Variants in ENTPD3 observed in about 807,000 individuals in gnomAD.
ENTPD3 encodes CD39 antigen-like 3.
Under a neutral mutation model 51.2 loss-of-function variants are expected in ENTPD3, and 60 were observed. The ratio of observed to expected loss-of-function variants is 1.17; its 90% confidence interval spans 0.95 to 1.45. The LOEUF is 1.45. ENTPD3 is among the 40% of genes most tolerant of loss of function. The pLI, the probability that ENTPD3 is intolerant of heterozygous loss-of-function variation, is 0.00. For missense variants in ENTPD3, 593 were observed against 641.1 expected (o/e 0.93, Z 0.81); for synonymous variants, 221 against 238.4 (o/e 0.93, Z 0.67).
chr3:40,388,739 T>C (rs970261879), intron 2 of ENTPD3, among the ~76,000 whole-genome samples: 4 of 152,188 alleles, frequency 2.6e-5, no homozygotes, highest in African/African-American at 9.7e-5. Flanking sequence ...ACCATGTTTG[T>C]CCAGCCCTAA....
At chr3:40,426,563 A>C (rs1244358297) in intron 10 of ENTPD3, among the ~76,000 whole-genome samples, 1 of 152,202 alleles carries the variant, frequency 6.6e-6, no homozygotes, top group Non-Finnish European at 1.5e-5. Flanking sequence ...GAGAGATGTC[A>C]AATTGAATTT....
intron 2 of ENTPD3, 26 bp from the exon 3 acceptor site, chr3:40,391,997 G>A (rs1178935880): frequency 3.1e-6 from 5 of 1,613,486 alleles, no homozygotes; most frequent in Non-Finnish European, 2.5e-6. Context: ...TCCCCCTCAA[G>A]TGTCTTCTGG....
chr3:40,401,841 G>A (rs934474951), intron 4 of ENTPD3, among the ~76,000 whole-genome samples: 1 of 152,182 alleles, frequency 6.6e-6, no homozygotes. Flanking sequence ...CCCTGAAATG[G>A]AGTATTATCA....
Position 40,422,855 on chromosome 3 carries a change from T to C in ENTPD3, c.837T>C (p.Ser279=). The C allele has an allele frequency of 6.2e-7, 1 of 1,611,004 alleles. No individual in the cohort carries two copies. The highest frequency in any genetic ancestry group is 8.5e-7 in the Non-Finnish European group (1 of 1,179,552). The change falls in exon 8 of 11, where the codon TCT becomes TCC. Residue 279 remains serine (S), a synonymous_variant. Transcript: ENST00000301825. ...CCTTACTCTTATACCTACAGAATTC[T>C]CCTACCAAAAACCATCTCACCAATC... The part of the protein sequence containing the change: ...KKFLAMLLQN[S]PTKNHLTNPC...
chr3:40,421,771 G>A (rs1040035104), intron 7 of ENTPD3, among the ~76,000 whole-genome samples: 17 of 152,098 alleles, frequency 1.1e-4, no homozygotes, highest in African/African-American at 3.6e-4. Context: ...GTAGAATGGG[G>A]TATATAAAGT....
intron 7 of ENTPD3, among the ~76,000 whole-genome samples, chr3:40,421,162 T>C (rs1479290064): frequency 6.6e-6 from 1 of 151,980 alleles, no homozygotes; most frequent in African/African-American, 2.4e-5. Flanking sequence ...TAGCTGGGAC[T>C]ACAGGTGCGT....
chr3:40,414,815 A>G lies in ENTPD3; in HGVS notation c.572A>G (p.Asn191Ser). The change falls in exon 6 of 11, where the codon AAC (asparagine) becomes AGC (serine). Residue 191 changes from asparagine to serine, a missense_variant. By Grantham distance (46) the Asn-to-Ser change is conservative (BLOSUM62 1). Coordinates refer to ENST00000301825, the MANE Select transcript of ENTPD3 (RefSeq NM_001248.4). ...EEGVYGWITA[N>S]YLMGNFLEKN... ...GGGGTATATGGATGGATTACAGCCA[A>G]CTATTTAATGGGAAATTTCCTGGAG... The G allele has an allele frequency of 3.1e-6, 5 of 1,614,030 alleles. No homozygotes were observed. The highest frequency in any genetic ancestry group is 1.1e-5 in the South Asian group (1 of 91,060).
intron 3 of ENTPD3, among the ~76,000 whole-genome samples, chr3:40,399,836 GC>G (rs756010045): frequency 6.3e-4 from 96 of 152,158 alleles, no homozygotes; most frequent in Non-Finnish European, 1.1e-3. Context: ...CCCCAGCACT[GC>G]CCAGCAACAC....
intron 1 of ENTPD3, chr3:40,387,506 C>T (rs1954967048): frequency 1.3e-5 from 2 of 152,572 alleles, no homozygotes; most frequent in Admixed American, 6.5e-5. Context: ...GCTTAGATGC[C>T]TGCGGCTATG....
rs547792474 is a variant in ENTPD3 at position 40,410,524 on chromosome 3, A to G, written c.287-1288A>G. Reference sequence around the variant, plus strand: ...TGGAGCTAAACCATTATCATTGATGATAACAGCACAAAAAGAGAAACAACC... The same window carrying G: ...TGGAGCTAAACCATTATCATTGATGGTAACAGCACAAAAAGAGAAACAACC... On this transcript the variant is annotated intron_variant, in intron 4 of 10. Coordinates refer to ENST00000301825, the MANE Select transcript of ENTPD3 (RefSeq NM_001248.4). 7.2e-5 allele frequency among the ~76,000 whole-genome samples: 11 copies of G among 152,198 alleles called. 1 individual carries two copies. In the East Asian group the frequency reaches 2.1e-3, roughly 29 times the overall value.
chr3:40,423,593 G>A (rs1955924849), intron 9 of ENTPD3, among the ~76,000 whole-genome samples, 192 bp downstream of exon 9: 2 of 152,142 alleles, frequency 1.3e-5, no homozygotes, highest in Non-Finnish European at 2.9e-5. Context: ...ACAATGGTTA[G>A]AACAATATTT....
Position 40,427,999 on chromosome 3 carries a change from C to G in ENTPD3, c.*491C>G, listed in dbSNP as rs1047106090. On this transcript the variant is annotated 3_prime_UTR_variant, in exon 11 of 11. Transcript: ENST00000301825. Reference sequence around the variant, plus strand: ...TCGTAAGCAGTGAACCCCCTCAGATCAGTAGAATATAGTATCTGGGGGAGA... The same window carrying G: ...TCGTAAGCAGTGAACCCCCTCAGATGAGTAGAATATAGTATCTGGGGGAGA... The G allele has an allele frequency of 1.3e-4, 23 of 176,672 alleles. No homozygotes were observed. Among genetic ancestry groups the G allele is most frequent in the African/African-American group, 5.5e-4 (23 of 42,062 alleles). The allele number at this position is 176,672 out of a possible 1,614,324, so 10.9% of individuals were successfully genotyped here.
chr3:40,410,882 A>G (rs1301772467), intron 4 of ENTPD3, among the ~76,000 whole-genome samples: 1 of 152,210 alleles, frequency 6.6e-6, no homozygotes, highest in East Asian at 1.9e-4. Context: ...TGATGGATGA[A>G]GGAAGAAGGA....
At chr3:40,420,340 A>AAGTGG (rs1955839513) in intron 7 of ENTPD3, among the ~76,000 whole-genome samples, 1 of 149,936 alleles carries the variant, frequency 6.7e-6, no homozygotes, top group Non-Finnish European at 1.5e-5. Flanking sequence ...GGTTCACGCC[A>AAGTGG]TTCTCCTACC....
intron 2 of ENTPD3, 130 bp downstream of exon 2, chr3:40,388,227 C>G: frequency 1.2e-6 from 1 of 823,946 alleles, no homozygotes; most frequent in Non-Finnish European, 2.1e-6. Flanking sequence ...AGACTCAGTA[C>G]TCAGCTGGGT....
At chr3:40,412,170 C>A (rs17078959) in intron 5 of ENTPD3, among the ~76,000 whole-genome samples, 17,149 of 152,004 alleles carry the variant, frequency 0.11, 2,597 homozygotes, top group African/African-American at 0.34. Flanking sequence ...AAATTGTTTC[C>A]CTCTCCCTTG....
At chr3:40,421,796 C>T (rs551611839) in intron 7 of ENTPD3, among the ~76,000 whole-genome samples, 2 of 152,122 alleles carry the variant, frequency 1.3e-5, no homozygotes, top group East Asian at 3.9e-4. Flanking sequence ...CCATTTATGG[C>T]TTTAAAAAAA....
At chr3:40,398,961 G>C (rs77554023) in intron 3 of ENTPD3, among the ~76,000 whole-genome samples, 540 of 152,260 alleles carry the variant, frequency 3.5e-3, no homozygotes, top group African/African-American at 0.012. Flanking sequence ...GCTCATCCCT[G>C]TAATACCAGC....
chr3:40,391,866 C>A (rs1357807133), intron 2 of ENTPD3, 157 bp from the exon 3 acceptor site: 2 of 795,164 alleles, frequency 2.5e-6, no homozygotes, highest in Non-Finnish European at 2.1e-6. Context: ...AGAAGGGGAG[C>A]TTATTTGCTA....
Sources: allele counts gnomAD v4.1 joint callset (sites outside exome capture counted in the v4.1 genomes callset), GRCh38; gene constraint gnomAD v4.1.1; transcripts MANE v1.5; gene names NCBI Gene and HGNC (gene_info 2026-07-23, HGNC 2026-07-21).